The following DYNC1LI1 variants were observed in gnomAD, a reference collection of about 807,000 sequenced individuals.
The protein encoded by DYNC1LI1 is dynein cytoplasmic 1 light intermediate chain 1.
A neutral mutation model predicts 63.8 loss-of-function variants in DYNC1LI1; 19 were observed. That is an observed-to-expected ratio of 0.30 (90% confidence interval 0.21 to 0.44). DYNC1LI1 has a LOEUF of 0.44. Among genes scored for constraint, DYNC1LI1 ranks in the 20% least tolerant of loss-of-function variants. The pLI, the probability that DYNC1LI1 is intolerant of heterozygous loss-of-function variation, is 1.00. For missense variants in DYNC1LI1, 565 were observed against 630.2 expected (o/e 0.90, Z 1.11); for synonymous variants, 225 against 232.3 (o/e 0.97, Z 0.28).
intron 7 of DYNC1LI1, among the ~76,000 whole-genome samples, chr3:32,533,323 A>T (rs2125430764): frequency 6.6e-6 from 1 of 152,336 alleles, no homozygotes; most frequent in Middle Eastern, 3.4e-3. Flanking sequence ...AAGAAAAAAA[A>T]TTAGCTGGGC....
intron 12 of DYNC1LI1, 95 bp downstream of exon 12, chr3:32,528,350 CA>C: frequency 7.0e-7 from 1 of 1,431,674 alleles, no homozygotes; most frequent in Non-Finnish European, 9.6e-7. Flanking sequence ...GCAAAGATAC[CA>C]AAACCACAGA....
chr3:32,551,839 C>T (rs931630549), intron 2 of DYNC1LI1, among the ~76,000 whole-genome samples: 3 of 152,160 alleles, frequency 2.0e-5, no homozygotes, highest in African/African-American at 7.2e-5. Flanking sequence ...TCTATCCCTA[C>T]CCAACATTTG....
At chr3:32,545,543 A>C (rs1697940974) in intron 3 of DYNC1LI1, 1 of 356,250 alleles carries the variant, frequency 2.8e-6, no homozygotes, top group African/African-American at 2.2e-5. Context: ...GAAAATTAGA[A>C]AGTGAAATGG....
intron 12 of DYNC1LI1, 152 bp from the exon 13 acceptor site, chr3:32,527,060 A>C: frequency 1.7e-6 from 1 of 576,140 alleles, no homozygotes. Flanking sequence ...AAAAATTTCA[A>C]GCTGGGTGTG....
At chr3:32,549,506 T>G (rs528374283) in intron 2 of DYNC1LI1, among the ~76,000 whole-genome samples, 44 of 152,182 alleles carry the variant, frequency 2.9e-4, no homozygotes, top group Admixed American at 2.8e-3. Context: ...TCAACTTGAT[T>G]TGGATTATCC....
At chr3:32,548,573 A>C (rs1697989657) in intron 2 of DYNC1LI1, among the ~76,000 whole-genome samples, 1 of 152,202 alleles carries the variant, frequency 6.6e-6, no homozygotes, top group African/African-American at 2.4e-5. Flanking sequence ...AACAGTAGTT[A>C]CCGGGGACTG....
At chr3:32,538,975 T>C (rs1697840733) in intron 5 of DYNC1LI1, among the ~76,000 whole-genome samples, 1 of 152,292 alleles carries the variant, frequency 6.6e-6, no homozygotes, top group South Asian at 2.1e-4. Flanking sequence ...ATGTTATGAC[T>C]CTATGACTCA....
At chr3:32,561,435 TGGC>T (rs1425517066) in intron 2 of DYNC1LI1, among the ~76,000 whole-genome samples, 1 of 151,170 alleles carries the variant, frequency 6.6e-6, no homozygotes, top group Non-Finnish European at 1.5e-5. Flanking sequence ...GAGACCATCC[TGGC>T]TAACACAGCG....
chr3:32,567,596 T>C (rs1050933029), intron 2 of DYNC1LI1, among the ~76,000 whole-genome samples: 2 of 151,924 alleles, frequency 1.3e-5, no homozygotes, highest in South Asian at 2.1e-4. Flanking sequence ...TGGAGTGCAA[T>C]GGCGTAATCT....
intron 8 of DYNC1LI1, chr3:32,532,054 T>G (rs969298852): frequency 6.6e-6 from 1 of 152,212 alleles, no homozygotes; most frequent in African/African-American, 2.4e-5. Context: ...ATACTCATTT[T>G]TATAGAGCTT....
At chr3:32,546,744 AGG>A (rs1308369868) in intron 2 of DYNC1LI1, among the ~76,000 whole-genome samples, 1 of 152,194 alleles carries the variant, frequency 6.6e-6, no homozygotes, top group African/African-American at 2.4e-5. Flanking sequence ...ACATCAGGAC[AGG>A]GAACTGTGAC....
chr3:32,556,878 T>G (rs544061004), intron 2 of DYNC1LI1, among the ~76,000 whole-genome samples: 1 of 152,336 alleles, frequency 6.6e-6, no homozygotes, highest in Admixed American at 6.5e-5. Context: ...TCTATTTTCA[T>G]AATATACTTC....
At chr3:32,557,064 G>C (rs1253876140) in intron 2 of DYNC1LI1, among the ~76,000 whole-genome samples, 1 of 152,118 alleles carries the variant, frequency 6.6e-6, no homozygotes, top group Non-Finnish European at 1.5e-5. Context: ...ATTGGACCAA[G>C]GGTTGGTCCT....
chr3:32,554,995 G>A (rs188922029), intron 2 of DYNC1LI1, among the ~76,000 whole-genome samples: 7 of 149,370 alleles, frequency 4.7e-5, no homozygotes, highest in Admixed American at 1.4e-4. Flanking sequence ...TCAGACTCTC[G>A]AGTAGCTGGG....
intron 2 of DYNC1LI1, among the ~76,000 whole-genome samples, chr3:32,553,561 C>T (rs1472692938): frequency 6.6e-6 from 1 of 152,182 alleles, no homozygotes; most frequent in African/African-American, 2.4e-5. Flanking sequence ...TGTCTCCACA[C>T]AATAAATATT....
At chr3:32,531,932 C>G (rs1016602414) in intron 8 of DYNC1LI1, 1 of 151,944 alleles carries the variant, frequency 6.6e-6, no homozygotes, top group Non-Finnish European at 1.5e-5. Context: ...TCTGAAAATC[C>G]AAAATGTTTC....
chr3:32,561,002 CAAAAAAAAAAAAAAAAAAAAA>C (rs59037467), intron 2 of DYNC1LI1, among the ~76,000 whole-genome samples: 1 of 26,112 alleles, frequency 3.8e-5, no homozygotes, highest in African/African-American at 1.7e-4. Context: ...AACTCCGTCT[CAAAAAAAAAAAAAAAAAAAAA>C]AAAAAAAAAA....
intron 2 of DYNC1LI1, among the ~76,000 whole-genome samples, chr3:32,552,447 A>G (rs1348546664): frequency 6.6e-6 from 1 of 152,094 alleles, no homozygotes; most frequent in Non-Finnish European, 1.5e-5. Context: ...AGCATGAGTC[A>G]CTGAGACCCC....
chr3:32,533,447 A>G (rs1439593741), intron 7 of DYNC1LI1, among the ~76,000 whole-genome samples: 1 of 152,236 alleles, frequency 6.6e-6, no homozygotes, highest in African/African-American at 2.4e-5. Context: ...ATTGCATTCC[A>G]GGATGGGCAA....
Sources: gnomAD v4.1 joint callset for allele counts (sites outside exome capture counted in the v4.1 genomes callset) on GRCh38, gnomAD v4.1.1 for gene constraint, MANE v1.5 for transcripts, NCBI Gene and HGNC (gene_info 2026-07-23, HGNC 2026-07-21) for gene names.